Variants in RAB2A observed in about 807,000 individuals in gnomAD.
RAB2A encodes the protein ras-related protein Rab-2A.
RAB2A carries 7 observed loss-of-function variants against 32.5 expected under a neutral mutation model. The ratio of observed to expected loss-of-function variants is 0.22; its 90% CI spans 0.12 to 0.40. The LOEUF is 0.40. RAB2A is among the 10% of genes least tolerant of loss of function. RAB2A has a pLI of 1.00. For synonymous variants in RAB2A, 79 were observed against 85.2 expected, an observed-to-expected ratio of 0.93 and a Z score of 0.40; for missense variants, 108 against 260.7, an observed-to-expected ratio of 0.41 and a Z score of 4.03.
chr8:60,578,218 C>T (rs1354118484), intron 3 of RAB2A, among the ~76,000 whole-genome samples: 2 of 152,136 alleles, frequency 1.3e-5, no homozygotes, highest in South Asian at 2.1e-4. Context: ...TAAATATACT[C>T]TAGTACTCTG....
chr8:60,592,176 T>C, intron 6 of RAB2A: 1 of 351,774 alleles, frequency 2.8e-6, no homozygotes, highest in East Asian at 4.6e-5. Flanking sequence ...CTGAATGTTT[T>C]CTTACATTTT....
intron 5 of RAB2A, among the ~76,000 whole-genome samples, chr8:60,589,386 A>G (rs1803898966): frequency 6.6e-6 from 1 of 152,216 alleles, no homozygotes; most frequent in Admixed American, 6.5e-5. Flanking sequence ...TTATTTTTAG[A>G]TGAATTGAAC....
chr8:60,562,769 T>C (rs1808043500), intron 2 of RAB2A, among the ~76,000 whole-genome samples: 2 of 152,152 alleles, frequency 1.3e-5, no homozygotes, highest in African/African-American at 4.8e-5. Flanking sequence ...AAACCATTTT[T>C]TAAAGTGAAA....
chr8:60,520,067 T>C (rs984669395), intron 1 of RAB2A, among the ~76,000 whole-genome samples: 6 of 152,184 alleles, frequency 3.9e-5, no homozygotes, highest in Non-Finnish European at 7.3e-5. Flanking sequence ...TCACCTAATT[T>C]TTCTGTTTCC....
chr8:60,587,451 A>G (rs960701671), intron 5 of RAB2A, among the ~76,000 whole-genome samples: 1 of 152,208 alleles, frequency 6.6e-6, no homozygotes, highest in African/African-American at 2.4e-5. Flanking sequence ...TTTGGCAAAC[A>G]TTTCTTAAAT....
At position 60,543,553 on chromosome 8, in the gene RAB2A, C is replaced by T. The variant is rs1586071406; in HGVS notation, c.47-15299C>T. The stretch of plus-strand genomic sequence containing the variant: ...AATCCAGGATCCTTAATTACATCTG[C>T]AAAGATCCTTTTTCCAAATAAAGTC... On this transcript the variant is annotated intron_variant, in intron 1 of 7. Transcript: ENST00000262646. Among the ~76,000 whole-genome samples the T allele has an allele frequency of 2.6e-5, 4 of 152,200 alleles. No homozygotes were observed. The South Asian group carries it at 8.3e-4, about 32-fold the overall frequency.
chr8:60,579,171 T>C (rs1803691985), intron 3 of RAB2A, among the ~76,000 whole-genome samples: 1 of 152,174 alleles, frequency 6.6e-6, no homozygotes, highest in African/African-American at 2.4e-5. Context: ...GCCTCCAGAA[T>C]ACCTGGGATT....
At chr8:60,562,471 A>G (rs915107701) in intron 2 of RAB2A, among the ~76,000 whole-genome samples, 1 of 152,212 alleles carries the variant, frequency 6.6e-6, no homozygotes, top group Admixed American at 6.5e-5. Flanking sequence ...TAGTCCAGCC[A>G]TGGCTTTAGC....
intron 6 of RAB2A, among the ~76,000 whole-genome samples, chr8:60,610,623 C>G (rs904690697): frequency 2.0e-5 from 3 of 152,200 alleles, no homozygotes; most frequent in African/African-American, 7.2e-5. Context: ...ATTTACCACT[C>G]TCCTCCACAT....
At chr8:60,539,361 A>G (rs1018947989) in intron 1 of RAB2A, among the ~76,000 whole-genome samples, 2 of 152,218 alleles carry the variant, frequency 1.3e-5, no homozygotes, top group Admixed American at 1.3e-4. Context: ...TCCTAGATGC[A>G]TTATCTCTTT....
At position 60,518,596 on chromosome 8, in the gene RAB2A, C is replaced by CAAAAAAAAA. The variant is rs59503766; in HGVS notation, c.46+1362_46+1370dup. Among the ~76,000 whole-genome samples, 4 of 45,512 alleles carry CAAAAAAAAA rather than the reference C, an allele frequency of 8.8e-5. 1 individual carries two copies. The highest frequency in any genetic ancestry group is 2.0e-4 in the African/African-American group (3 of 14,802). 29.9% of individuals were successfully genotyped at this position (45,512 alleles called of 152,430 possible). A position where few individuals can be genotyped will look rare whatever the true frequency, so the allele number is the denominator to read the frequency against. On this transcript the variant is annotated intron_variant, in intron 1 of 7. Transcript: ENST00000262646. ...ACTTGAGCCCGGAAGGTGGAGTTTG[C>CAAAAAAAAA]AAAAAAAAAAAAAAAAAAAAAAAAA...
chr8:60,602,678 T>C (rs1804153872), intron 6 of RAB2A, among the ~76,000 whole-genome samples: 1 of 152,212 alleles, frequency 6.6e-6, no homozygotes, highest in African/African-American at 2.4e-5. Context: ...GCAAGAATTA[T>C]CCTGCAGAAT....
At chr8:60,574,861 G>C (rs1808246646) in intron 3 of RAB2A, among the ~76,000 whole-genome samples, 1 of 152,092 alleles carries the variant, frequency 6.6e-6, no homozygotes, top group African/African-American at 2.4e-5. Flanking sequence ...GGAGGGTAGA[G>C]GGCTCGTTTT....
At chr8:60,619,684 C>T (rs1293643454) in intron 7 of RAB2A, among the ~76,000 whole-genome samples, 1 of 152,150 alleles carries the variant, frequency 6.6e-6, no homozygotes, top group Non-Finnish European at 1.5e-5. Context: ...ATAAATTGAA[C>T]AGTAATTGGG....
At chr8:60,580,465 A>G (rs1156866358) in intron 3 of RAB2A, among the ~76,000 whole-genome samples, 1 of 152,196 alleles carries the variant, frequency 6.6e-6, no homozygotes, top group Admixed American at 6.5e-5. Context: ...TACCAATACC[A>G]TTATCAAAGA....
intron 1 of RAB2A, among the ~76,000 whole-genome samples, chr8:60,547,626 C>T (rs2946153): frequency 3.5e-4 from 37 of 105,574 alleles, no homozygotes; most frequent in African/African-American, 7.9e-4. Flanking sequence ...CCTCACCTCC[C>T]GGACGGGGCG....
chr8:60,537,591 T>G (rs1428868363), intron 1 of RAB2A, among the ~76,000 whole-genome samples: 1 of 152,236 alleles, frequency 6.6e-6, no homozygotes, highest in Non-Finnish European at 1.5e-5. Context: ...AGTTATGGCT[T>G]ACTGTCTAAA....
Position 60,576,579 on chromosome 8 carries a change from A to G in RAB2A, c.186+4466A>G, listed in dbSNP as rs545869946. On this transcript the variant is annotated intron_variant, in intron 3 of 7. Transcript: ENST00000262646. Reference sequence around the variant, plus strand: ...CAAATTGTGTGAAAACTAACATGCTAAAAGTTTCTTCTCAGCAAATCACAG... The same window carrying G: ...CAAATTGTGTGAAAACTAACATGCTGAAAGTTTCTTCTCAGCAAATCACAG... 2.6e-5 allele frequency among the ~76,000 whole-genome samples: 4 copies of G among 152,350 alleles called. No individual in the cohort carries two copies. The South Asian group carries it at 8.3e-4, about 32-fold the overall frequency.
intron 2 of RAB2A, among the ~76,000 whole-genome samples, chr8:60,562,001 T>TATAG (rs1367764241): frequency 6.6e-6 from 1 of 152,226 alleles, no homozygotes; most frequent in East Asian, 1.9e-4. Flanking sequence ...CCCTAACACG[T>TATAG]ATAGACACTA....
Sources: allele counts gnomAD v4.1 joint callset (sites outside exome capture counted in the v4.1 genomes callset), GRCh38; gene constraint gnomAD v4.1.1; transcripts MANE v1.5; gene names NCBI Gene and HGNC (gene_info 2026-07-23, HGNC 2026-07-21).